The following ROR2 variants were observed in gnomAD, a reference collection of about 807,000 sequenced individuals.
ROR2 encodes ROR family WNT receptor 2.
A neutral mutation model predicts 74.9 loss-of-function variants in ROR2; 33 were observed. That is an observed-to-expected ratio of 0.44 (90% CI 0.33 to 0.59). The LOEUF (loss-of-function observed/expected upper bound fraction) is 0.59, where lower values mean the gene tolerates loss of function less well. ROR2 is among the 20% of genes least tolerant of loss of function. The probability of loss-of-function intolerance (pLI) is 0.02; values close to 1 mark genes in which losing one functional copy is unlikely to be tolerated. For missense variants in ROR2, 1,216 were observed against 1,313.8 expected (o/e 0.93, Z 1.15); for synonymous variants, 586 against 558.7 (o/e 1.05, Z -0.69).
chr9:91,939,239 A>T (rs1272815762), intron 1 of ROR2, among the ~76,000 whole-genome samples: 2 of 150,980 alleles, frequency 1.3e-5, no homozygotes, highest in African/African-American at 4.9e-5. Context: ...ACAAAGCGAG[A>T]CTCCATCTCA....
chr9:91,884,682 T>G (rs1830221965), intron 1 of ROR2, among the ~76,000 whole-genome samples: 1 of 152,108 alleles, frequency 6.6e-6, no homozygotes, highest in African/African-American at 2.4e-5. Flanking sequence ...GAACTGGAGC[T>G]AACACATCCT....
At chr9:91,949,154 G>A (rs10120655) in intron 1 of ROR2, among the ~76,000 whole-genome samples, 16,065 of 151,242 alleles carry the variant, frequency 0.11, 1,568 homozygotes, top group African/African-American at 0.26. Flanking sequence ...CCGCGCCCCA[G>A]CCGCTCAGGG....
At chr9:91,891,353 C>T (rs1830415261) in intron 1 of ROR2, among the ~76,000 whole-genome samples, 1 of 151,974 alleles carries the variant, frequency 6.6e-6, no homozygotes, top group Non-Finnish European at 1.5e-5. Flanking sequence ...CCTGCAACCT[C>T]CGCCTCCCAG....
At chr9:91,803,479 A>T (rs1358671518) in intron 1 of ROR2, among the ~76,000 whole-genome samples, 1 of 152,246 alleles carries the variant, frequency 6.6e-6, no homozygotes, top group Non-Finnish European at 1.5e-5. Context: ...AACAACGTGA[A>T]TGTATCAGAA....
At chr9:91,811,972 C>T (rs150284682) in intron 1 of ROR2, among the ~76,000 whole-genome samples, 146 of 151,808 alleles carry the variant, frequency 9.6e-4, no homozygotes, top group African/African-American at 3.3e-3. Flanking sequence ...AATCTTTTGG[C>T]TTCCTTGGGC....
In ROR2 at chr9:91,724,526, G is replaced by A; in HGVS notation, c.1968C>T (p.Ile656=). The change falls in exon 9 of 9, where the codon ATC becomes ATT. Residue 656 remains isoleucine, a synonymous_variant. Coordinates refer to ENST00000375708, the MANE Select transcript of ROR2 (RefSeq NM_004560.4). ...TGATGGCCTCTGGGGCCATCCAGCG[G>A]ATAGGCAGCAGCGAGTTCCCCAGCA... ...YKLLGNSLLP[I]RWMAPEAIMY... 5.0e-6 allele frequency: 8 copies of A among 1,614,228 alleles called. No individual in the cohort carries two copies. Among genetic ancestry groups the A allele is most frequent in the Non-Finnish European group, 6.8e-6 (8 of 1,180,046 alleles).
intron 1 of ROR2, among the ~76,000 whole-genome samples, chr9:91,865,771 A>C (rs930382729): frequency 6.6e-6 from 1 of 152,248 alleles, no homozygotes; most frequent in Non-Finnish European, 1.5e-5. Flanking sequence ...TTTGGGGGCC[A>C]CATCAACCTG....
In ROR2 at chr9:91,950,156, G is replaced by A; in HGVS notation, c.-193C>T. Reference sequence around the variant, plus strand: ...CCGCTCGGCTCCGGCCACGGCAAGGGCTGGCTGGGGAGGTTCCTTGGCGCG... The same window carrying A: ...CCGCTCGGCTCCGGCCACGGCAAGGACTGGCTGGGGAGGTTCCTTGGCGCG... On this transcript the variant is annotated 5_prime_UTR_variant, in exon 1 of 9. Coordinates refer to ENST00000375708, the MANE Select transcript of ROR2 (RefSeq NM_004560.4). The A allele has an allele frequency of 2.7e-6, 1 of 375,076 alleles. No individual in the cohort carries two copies. The highest frequency in any genetic ancestry group is 7.7e-5 in the South Asian group (1 of 13,024). 23.2% of individuals were successfully genotyped at this position (375,076 alleles called of 1,614,324 possible).
chr9:91,901,473 T>C (rs1165842422), intron 1 of ROR2, among the ~76,000 whole-genome samples: 2 of 152,188 alleles, frequency 1.3e-5, no homozygotes, highest in African/African-American at 4.8e-5. Context: ...TCACGTCATT[T>C]CAAATGTGGG....
chr9:91,902,046 G>A (rs374457247), intron 1 of ROR2, among the ~76,000 whole-genome samples: 4 of 152,084 alleles, frequency 2.6e-5, no homozygotes, highest in South Asian at 2.1e-4. Context: ...TCCACACAAC[G>A]GTTAACATTC....
chr9:91,807,328 G>A (rs777995627), intron 1 of ROR2, among the ~76,000 whole-genome samples: 33 of 152,210 alleles, frequency 2.2e-4, no homozygotes, highest in Non-Finnish European at 4.3e-4. Context: ...CCACGTGCTG[G>A]GAGGGTGGGG....
intron 2 of ROR2, among the ~76,000 whole-genome samples, chr9:91,763,709 A>C (rs17585941): frequency 0.14 from 21,514 of 152,128 alleles, 1,677 homozygotes; most frequent in Admixed American, 0.23. Flanking sequence ...TTAAGTGTAA[A>C]ATTTTCCTTC....
At chr9:91,756,374 G>A (rs1357710413) in intron 3 of ROR2, among the ~76,000 whole-genome samples, 1 of 152,224 alleles carries the variant, frequency 6.6e-6, no homozygotes, top group African/African-American at 2.4e-5. Flanking sequence ...CACAAAATCT[G>A]TTTTACTACT....
rs571813299 is a variant in ROR2 at position 91,917,017 on chromosome 9, T to G, written c.97+32850A>C. Among the ~76,000 whole-genome samples the G allele has an allele frequency of 4.6e-5, 7 of 152,292 alleles. No homozygotes were observed. The East Asian group carries it at 9.6e-4, about 21-fold the overall frequency. On this transcript the variant is annotated intron_variant, in intron 1 of 8. Transcript: ENST00000375708. ...TTACTCCTTCCCAGCAGCTCCAAAATTAATTCCCCGTGTTTATTCACGTGT... is the reference window on the plus strand; with the variant it reads ...TTACTCCTTCCCAGCAGCTCCAAAAGTAATTCCCCGTGTTTATTCACGTGT...
chr9:91,844,057 G>A lies in ROR2; in HGVS notation c.98-68239C>T, dbSNP rs183544352. On this transcript the variant is annotated intron_variant, in intron 1 of 8. Transcript: ENST00000375708. ...TGCTTTTTCATCCCTGCAGCGGGGC[G>A]GATGAAGGGAGGGGGCCATCAAACG... is the stretch of plus-strand genomic sequence containing the variant. 2.4e-3 allele frequency among the ~76,000 whole-genome samples: 358 copies of A among 152,294 alleles called. 3 individuals are homozygous for A. Among genetic ancestry groups the A allele is most frequent in the Non-Finnish European group, 1.0e-3 (71 of 68,028 alleles).
At chr9:91,846,292 A>AG (rs745370530) in intron 1 of ROR2, among the ~76,000 whole-genome samples, 1 of 152,230 alleles carries the variant, frequency 6.6e-6, no homozygotes, top group Non-Finnish European at 1.5e-5. Flanking sequence ...GTAGGGAGGC[A>AG]GTCAAGGTTA....
intron 1 of ROR2, among the ~76,000 whole-genome samples, chr9:91,870,979 A>G (rs1016812591): frequency 1.3e-5 from 2 of 152,272 alleles, no homozygotes; most frequent in African/African-American, 4.8e-5. Flanking sequence ...ACCAGCATTA[A>G]AAATAGTATT....
At position 91,869,709 on chromosome 9, in the gene ROR2, C is replaced by T. The variant is rs186135506; in HGVS notation, c.97+80158G>A. 1.1e-3 allele frequency among the ~76,000 whole-genome samples: 168 copies of T among 152,298 alleles called. 2 individuals are homozygous for T. The highest frequency in any genetic ancestry group is 3.8e-3 in the African/African-American group (157 of 41,550). ...CTAAAGAGGTACCACAAGGCAGCTG[C>T]AATTGCTCCATATCCCGATTTTAGC... On this transcript the variant is annotated intron_variant, in intron 1 of 8. Coordinates refer to ENST00000375708, the MANE Select transcript of ROR2 (RefSeq NM_004560.4).
chr9:91,881,267 C>T (rs1292683574), intron 1 of ROR2, among the ~76,000 whole-genome samples: 2 of 152,054 alleles, frequency 1.3e-5, no homozygotes, highest in Non-Finnish European at 1.5e-5. Context: ...ATAAAAACAC[C>T]AAGTAGGTAA....
Sources: gnomAD v4.1 joint callset for allele counts (sites outside exome capture counted in the v4.1 genomes callset) on GRCh38, gnomAD v4.1.1 for gene constraint, MANE v1.5 for transcripts, NCBI Gene and HGNC (gene_info 2026-07-23, HGNC 2026-07-21) for gene names.